FBXO8: variants seen among roughly 807,000 people sequenced by gnomAD.
The protein encoded by FBXO8 is F-box only protein 8.
A neutral mutation model predicts 33.4 loss-of-function variants in FBXO8; 15 were observed. The observed-to-expected ratio is 0.45, with a 90% CI of 0.30 to 0.69. The LOEUF is 0.69. Ranked by LOEUF, FBXO8 falls within the 30% of genes least tolerant of loss-of-function variation. The pLI is 0.08. For synonymous variants in FBXO8, 132 were observed against 131.5 expected, an observed-to-expected ratio of 1.00 and a Z score of -0.02; for missense variants, 274 against 380.3, an observed-to-expected ratio of 0.72 and a Z score of 2.32.
rs1736906587 is a variant in FBXO8, at chr4:174,274,415, A to G, written c.-9+8995T>C. Among the ~76,000 whole-genome samples, 3 of 152,366 alleles carry G rather than the reference A, an allele frequency of 2.0e-5. No individual in the cohort carries two copies. The South Asian group carries it at 6.2e-4, about 32-fold the overall frequency. On this transcript the variant is annotated intron_variant, in intron 1 of 5. Transcript: ENST00000393674. This position sits in a 1 kb window ranked among gnomAD's most constrained non-coding sequence, Gnocchi z 4.0. ...ATCCCTCTCGCCCTCTTTAAATGAT[A>G]ACTATTATTTTGGTTCCTTCATTTC...
intron 1 of FBXO8, among the ~76,000 whole-genome samples, chr4:174,264,432 C>A (rs1460274158): frequency 6.6e-6 from 1 of 152,044 alleles, no homozygotes; most frequent in Non-Finnish European, 1.5e-5. Flanking sequence ...TCTGAAGAAT[C>A]CATAGGGATT....
At position 174,252,013 on chromosome 4, in the gene FBXO8, G is replaced by A. The variant is rs1736296307; in HGVS notation, c.456+7686C>T. On this transcript the variant is annotated intron_variant, in intron 3 of 5. Coordinates refer to ENST00000393674, the MANE Select transcript of FBXO8 (RefSeq NM_012180.3). This position sits in a 1 kb window ranked among gnomAD's most constrained non-coding sequence, Gnocchi z 5.1. ...AAACAGGGTCTTGCTTTGTCACTCA[G>A]GCTGGAGTGCAGTGGCATGATCATG... is the stretch of plus-strand genomic sequence containing the variant. 6.6e-6 allele frequency among the ~76,000 whole-genome samples: 1 copy of A among 152,164 alleles called. No homozygotes were observed. The highest frequency in any genetic ancestry group is 2.4e-5 in the African/African-American group (1 of 41,432).
intron 3 of FBXO8, among the ~76,000 whole-genome samples, chr4:174,250,108 CATTTA>C (rs1253439077): frequency 6.6e-6 from 1 of 151,908 alleles, no homozygotes; most frequent in Non-Finnish European, 1.5e-5. Context: ...TGTCTTATTT[CATTTA>C]ATCTTCACAA....
intron 3 of FBXO8, among the ~76,000 whole-genome samples, chr4:174,249,650 T>G (rs1326096005): frequency 1.3e-5 from 2 of 152,130 alleles, no homozygotes; most frequent in Admixed American, 1.3e-4. Context: ...CATGGTAGTT[T>G]CACTGCTAGC....
Position 174,265,376 on chromosome 4 carries a change from A to T in FBXO8, c.-8-2276T>A, listed in dbSNP as rs932841103. Among the ~76,000 whole-genome samples the T allele has an allele frequency of 4.0e-5, 6 of 151,752 alleles. No homozygotes were observed. The highest frequency in any genetic ancestry group is 1.2e-4 in the African/African-American group (5 of 41,344). Reference sequence around the variant, plus strand: ...TTTACCTAATTAAAAGCTTATGTCCACACAAAAACCTACACGTGAATGTTT... The same window carrying T: ...TTTACCTAATTAAAAGCTTATGTCCTCACAAAAACCTACACGTGAATGTTT... On this transcript the variant is annotated intron_variant, in intron 1 of 5. Coordinates refer to ENST00000393674, the MANE Select transcript of FBXO8 (RefSeq NM_012180.3). This position sits in a 1 kb window ranked among gnomAD's most constrained non-coding sequence, Gnocchi z 4.7.
rs548204164 is a variant in FBXO8 at position 174,240,652 on chromosome 4, T to C, written c.575+448A>G. On this transcript the variant is annotated intron_variant, in intron 4 of 5. Coordinates refer to ENST00000393674, the MANE Select transcript of FBXO8 (RefSeq NM_012180.3). The stretch of plus-strand genomic sequence containing the variant: ...CACACTTGAACATAACATTTCTATA[T>C]AGTGTCTACATGCAAATATATATAC... 4.0e-5 allele frequency among the ~76,000 whole-genome samples: 6 copies of C among 151,880 alleles called. No homozygotes were observed. In the East Asian group the frequency reaches 1.2e-3, roughly 29 times the overall value.
In FBXO8 at chr4:174,270,095, G is replaced by A. The variant is rs555716996; in HGVS notation, c.-8-6995C>T. On this transcript the variant is annotated intron_variant, in intron 1 of 5. Coordinates refer to ENST00000393674, the MANE Select transcript of FBXO8 (RefSeq NM_012180.3). This position sits in a 1 kb window ranked among gnomAD's most constrained non-coding sequence, Gnocchi z 4.6. Reference sequence around the variant, plus strand: ...CATGAATGGCTACTGAATGGCTACTGAATGTGGACTGGCAACCAAACTGTG... The same window carrying A: ...CATGAATGGCTACTGAATGGCTACTAAATGTGGACTGGCAACCAAACTGTG... Among the ~76,000 whole-genome samples, 31 of 152,326 alleles carry A rather than the reference G, an allele frequency of 2.0e-4. No homozygotes were observed. The South Asian group carries it at 6.4e-3, about 32-fold the overall frequency.
intron 1 of FBXO8, among the ~76,000 whole-genome samples, chr4:174,279,950 G>A (rs1454103039): frequency 6.6e-6 from 1 of 151,952 alleles, no homozygotes; most frequent in Non-Finnish European, 1.5e-5. Flanking sequence ...ATTTGGCAAT[G>A]ATTTCCAAAT....
rs145706036 is a variant in FBXO8, at chr4:174,261,496, A to G, written c.329+1268T>C. On this transcript the variant is annotated intron_variant, in intron 2 of 5. Transcript: ENST00000393674. This position sits in a 1 kb window ranked among gnomAD's most constrained non-coding sequence, Gnocchi z 4.1. ...CAAACAGAAATTAAGTTAGTAAGGA[A>G]TACTAAAATGTAGAAAAGAGATTAG... is the stretch of plus-strand genomic sequence containing the variant. 7.9e-3 allele frequency among the ~76,000 whole-genome samples: 1,198 copies of G among 152,158 alleles called. 7 individuals carry two copies. Among genetic ancestry groups the G allele is most frequent in the Middle Eastern group, 0.017 (5 of 290 alleles).
chr4:174,279,010 T>C (rs1047250575), intron 1 of FBXO8, among the ~76,000 whole-genome samples: 3 of 152,014 alleles, frequency 2.0e-5, no homozygotes, highest in Admixed American at 6.6e-5. Context: ...GAAACTGGTG[T>C]TCCCTAAGGT....
chr4:174,273,231 G>A (rs1201783188), intron 1 of FBXO8, among the ~76,000 whole-genome samples: 1 of 150,710 alleles, frequency 6.6e-6, no homozygotes, highest in African/African-American at 2.4e-5. Context: ...AGGTTCCAGT[G>A]AACTAAGATT....
chr4:174,251,115 G>A lies in FBXO8; in HGVS notation c.456+8584C>T, dbSNP rs1178968819. On this transcript the variant is annotated intron_variant, in intron 3 of 5. Coordinates refer to ENST00000393674, the MANE Select transcript of FBXO8 (RefSeq NM_012180.3). This position sits in a 1 kb window ranked among gnomAD's most constrained non-coding sequence, Gnocchi z 4.2. ...AAATTCAAATAAAAAATTGTTCATT[G>A]TAGCATATCATATTTTAATATTAAA... 6.6e-6 allele frequency among the ~76,000 whole-genome samples: 1 copy of A among 152,084 alleles called. No homozygotes were observed. The highest frequency in any genetic ancestry group is 1.5e-5 in the Non-Finnish European group (1 of 67,990).
rs1736807949 is a variant in FBXO8, at chr4:174,270,301, G to T, written c.-8-7201C>A. On this transcript the variant is annotated intron_variant, in intron 1 of 5. Transcript: ENST00000393674. The surrounding 1 kb of genome is among the most constrained non-coding windows in gnomAD (Gnocchi z 4.6). The stretch of plus-strand genomic sequence containing the variant: ...GCTGCTGTGGCACAGTAGCTGGGAA[G>T]ACGTAAATGGAAAGTAACATGATTT... 6.6e-6 allele frequency among the ~76,000 whole-genome samples: 1 copy of T among 152,168 alleles called. No individual in the cohort carries two copies. The highest frequency in any genetic ancestry group is 1.5e-5 in the Non-Finnish European group (1 of 68,032).
Position 174,257,483 on chromosome 4 carries a change from T to G in FBXO8, c.456+2216A>C, listed in dbSNP as rs1212818457. On this transcript the variant is annotated intron_variant, in intron 3 of 5. Coordinates refer to ENST00000393674, the MANE Select transcript of FBXO8 (RefSeq NM_012180.3). This position sits in a 1 kb window ranked among gnomAD's most constrained non-coding sequence, Gnocchi z 4.3. ...ATGACAGTTTTACTCAACATCAGAA[T>G]AATTCATGACAGGAGCCAGCATGCC... is the stretch of plus-strand genomic sequence containing the variant. 6.6e-6 allele frequency among the ~76,000 whole-genome samples: 1 copy of G among 152,122 alleles called. No homozygotes were observed. The highest frequency in any genetic ancestry group is 1.5e-5 in the Non-Finnish European group (1 of 68,020).
rs1736668835 is a variant in FBXO8, at chr4:174,265,302, AAGCTTTT to A, written c.-8-2209_-8-2203del. On this transcript the variant is annotated intron_variant, in intron 1 of 5. Coordinates refer to ENST00000393674, the MANE Select transcript of FBXO8 (RefSeq NM_012180.3). The surrounding 1 kb of genome is among the most constrained non-coding windows in gnomAD (Gnocchi z 4.7). ...TTTATTTAGGTATTTACCTAATTAA[AAGCTTTT>A]TATTTAGGTATTTACCTAATTAAAA... is the stretch of plus-strand genomic sequence containing the variant. Among the ~76,000 whole-genome samples the A allele has an allele frequency of 7.1e-6, 1 of 141,004 alleles. No homozygotes were observed. The highest frequency in any genetic ancestry group is 1.6e-5 in the Non-Finnish European group (1 of 63,490). The allele number at this position is 141,004 out of a possible 152,430, so 92.5% of individuals were successfully genotyped here.
chr4:174,239,961 G>A (rs1375045744), intron 4 of FBXO8, among the ~76,000 whole-genome samples: 2 of 151,608 alleles, frequency 1.3e-5, no homozygotes, highest in African/African-American at 2.4e-5. Context: ...AACAGGAACA[G>A]GCGAACTACA....
rs1425411808 is a variant in FBXO8 at position 174,252,680 on chromosome 4, C to G, written c.456+7019G>C. ...ACACACACACACACACACACACGCACAGACAATACTACCTCTTTGTGTCTC... is the reference window on the plus strand; with the variant it reads ...ACACACACACACACACACACACGCAGAGACAATACTACCTCTTTGTGTCTC... On this transcript the variant is annotated intron_variant, in intron 3 of 5. Transcript: ENST00000393674. This position sits in a 1 kb window ranked among gnomAD's most constrained non-coding sequence, Gnocchi z 5.1. Among the ~76,000 whole-genome samples the G allele has an allele frequency of 6.6e-6, 1 of 152,048 alleles. No homozygotes were observed. Among genetic ancestry groups the G allele is most frequent in the Non-Finnish European group, 1.5e-5 (1 of 67,990 alleles).
Position 174,275,224 on chromosome 4 carries a change from T to C in FBXO8, c.-9+8186A>G, listed in dbSNP as rs1473100487. Among the ~76,000 whole-genome samples, 1 of 151,780 alleles carries C rather than the reference T, an allele frequency of 6.6e-6. No individual in the cohort carries two copies. Among genetic ancestry groups the C allele is most frequent in the Non-Finnish European group, 1.5e-5 (1 of 67,952 alleles). ...TCAACATCATTAGCCAGGAGAGAGG[T>C]GCGTACGGTTATAAAAGCACAGTGT... On this transcript the variant is annotated intron_variant, in intron 1 of 5. Coordinates refer to ENST00000393674, the MANE Select transcript of FBXO8 (RefSeq NM_012180.3). This position sits in a 1 kb window ranked among gnomAD's most constrained non-coding sequence, Gnocchi z 4.4.
rs1470194511 is a variant in FBXO8 at position 174,247,320 on chromosome 4, GAAC to G, written c.457-6105_457-6103del. On this transcript the variant is annotated intron_variant, in intron 3 of 5. Transcript: ENST00000393674. This position sits in a 1 kb window ranked among gnomAD's most constrained non-coding sequence, Gnocchi z 4.6. ...GAGTACCTTTAATTTTTTTCCTAAAGAACAACATAGTAAAGAAATTTAGAAAAA... is the reference window on the plus strand; with the variant it reads ...GAGTACCTTTAATTTTTTTCCTAAAGAACATAGTAAAGAAATTTAGAAAAA... Among the ~76,000 whole-genome samples the G allele has an allele frequency of 6.6e-6, 1 of 151,722 alleles. No homozygotes were observed. The highest frequency in any genetic ancestry group is 2.4e-5 in the African/African-American group (1 of 41,298).
Sources: gnomAD v4.1 joint callset for allele counts (sites outside exome capture counted in the v4.1 genomes callset) on GRCh38, gnomAD v4.1.1 for gene constraint, Gnocchi (gnomAD v3.1) non-coding constraint, MANE v1.5 for transcripts, NCBI Gene and HGNC (gene_info 2026-07-23, HGNC 2026-07-21) for gene names.